DENND1B: variants seen among roughly 807,000 people sequenced by gnomAD.
DENND1B encodes DENN domain containing 1B.
In DENND1B, 59 loss-of-function variants were observed where a neutral mutation model predicts 90.1. That is an observed-to-expected ratio of 0.65 (90% CI 0.53 to 0.81). DENND1B has a LOEUF of 0.81. Ranked by LOEUF, DENND1B falls within the 40% of genes least tolerant of loss-of-function variation. DENND1B has a pLI of 0.00. For missense variants in DENND1B, 862 were observed against 912.6 expected (o/e 0.94, Z 0.71); for synonymous variants, 337 against 324.6 (o/e 1.04, Z -0.41).
At chr1:197,513,863 T>G (rs1017606146) in intron 20 of DENND1B, among the ~76,000 whole-genome samples, 8 of 151,612 alleles carry the variant, frequency 5.3e-5, no homozygotes, top group East Asian at 1.9e-4. Context: ...TTTAACATGC[T>G]ATCCTGTCCT....
chr1:197,650,249 A>G (rs1171911458), intron 7 of DENND1B, among the ~76,000 whole-genome samples: 2 of 152,220 alleles, frequency 1.3e-5, no homozygotes, highest in African/African-American at 4.8e-5. Flanking sequence ...GCAATAAAAC[A>G]TAATTATTCA....
intron 15 of DENND1B, among the ~76,000 whole-genome samples, chr1:197,554,381 T>C (rs753912299): frequency 3.6e-4 from 54 of 151,558 alleles, no homozygotes; most frequent in African/African-American, 1.1e-3. Context: ...ATCCTGACCA[T>C]TTTTTACCCT....
intron 5 of DENND1B, among the ~76,000 whole-genome samples, chr1:197,663,700 G>C (rs1477237958): frequency 6.6e-6 from 1 of 152,034 alleles, no homozygotes; most frequent in Non-Finnish European, 1.5e-5. Context: ...CTGTCTTTGA[G>C]TGTGGCATGT....
At chr1:197,647,553 A>G (rs1379149435) in intron 7 of DENND1B, among the ~76,000 whole-genome samples, 1 of 152,256 alleles carries the variant, frequency 6.6e-6, no homozygotes, top group African/African-American at 2.4e-5. Context: ...ATTTAACAGT[A>G]TAACACTAAA....
chr1:197,685,635 A>AT (rs1176520621), intron 3 of DENND1B: 2 of 152,148 alleles, frequency 1.3e-5, no homozygotes, highest in Non-Finnish European at 2.9e-5. Flanking sequence ...TTATGTATTC[A>AT]TTTTTTAAGG....
intron 20 of DENND1B, among the ~76,000 whole-genome samples, chr1:197,538,315 C>A (rs889899904): frequency 1.3e-5 from 2 of 151,864 alleles, no homozygotes; most frequent in Non-Finnish European, 2.9e-5. Flanking sequence ...GGAAAAAAAA[C>A]AACAGAAAAA....
rs1040646829 is a variant in DENND1B at position 197,618,697 on chromosome 1, T to C, written c.673-938A>G. 4.0e-5 allele frequency among the ~76,000 whole-genome samples: 6 copies of C among 151,284 alleles called. 1 individual carries two copies. In the South Asian group the frequency reaches 1.0e-3, roughly 26 times the overall value. On this transcript the variant is annotated intron_variant, in intron 10 of 22. Coordinates refer to ENST00000620048, the MANE Select transcript of DENND1B (RefSeq NM_001195215.2). ...AAAGCAATAATTAAATCAGCATTCTTAATCATTTTAAAGTTTTGCTATAGT... is the reference window on the plus strand; with the variant it reads ...AAAGCAATAATTAAATCAGCATTCTCAATCATTTTAAAGTTTTGCTATAGT...
intron 3 of DENND1B, among the ~76,000 whole-genome samples, chr1:197,678,797 T>C (rs534180496): frequency 1.4e-4 from 22 of 152,296 alleles, no homozygotes; most frequent in African/African-American, 4.8e-4. Flanking sequence ...TTTGGTTTTC[T>C]AGTCCTGTGT....
At chr1:197,750,676 G>A (rs1244530305) in intron 2 of DENND1B, among the ~76,000 whole-genome samples, 1 of 152,052 alleles carries the variant, frequency 6.6e-6, no homozygotes, top group Non-Finnish European at 1.5e-5. Flanking sequence ...AGAATTTCAT[G>A]CAAACACTAA....
chr1:197,667,049 G>A (rs1317070377), intron 5 of DENND1B, among the ~76,000 whole-genome samples: 2 of 151,896 alleles, frequency 1.3e-5, no homozygotes, highest in Non-Finnish European at 2.9e-5. Context: ...CAGGAGAATC[G>A]GTTGAACCCG....
chr1:197,596,661 AC>A (rs950393182), intron 13 of DENND1B, among the ~76,000 whole-genome samples: 5 of 151,736 alleles, frequency 3.3e-5, no homozygotes, highest in Non-Finnish European at 7.4e-5. Flanking sequence ...CACACACAAC[AC>A]ATGCACACAT....
Position 197,528,918 on chromosome 1 carries a change from T to C in DENND1B, c.1515+11046A>G, listed in dbSNP as rs1571750688. Among the ~76,000 whole-genome samples, 3 of 152,048 alleles carry C rather than the reference T, an allele frequency of 2.0e-5. No homozygotes were observed. In the East Asian group the frequency reaches 5.8e-4, roughly 29 times the overall value. On this transcript the variant is annotated intron_variant, in intron 20 of 22. Coordinates refer to ENST00000620048, the MANE Select transcript of DENND1B (RefSeq NM_001195215.2). ...AAGATAACTCTTTATACCTCAAAAC[T>C]ATTAGTCTGTATGTGACTATATTAA...
At chr1:197,644,130 C>G (rs1406057596) in intron 9 of DENND1B, among the ~76,000 whole-genome samples, 1 of 152,160 alleles carries the variant, frequency 6.6e-6, no homozygotes, top group Non-Finnish European at 1.5e-5. Context: ...CGTGCTTTCT[C>G]ACCTTCCAAT....
At chr1:197,762,498 T>C (rs1330457345) in intron 2 of DENND1B, among the ~76,000 whole-genome samples, 3 of 152,224 alleles carry the variant, frequency 2.0e-5, no homozygotes, top group East Asian at 3.8e-4. Context: ...AGTAAAATGG[T>C]TGCTATAGTG....
At position 197,576,384 on chromosome 1, in the gene DENND1B, C is replaced by T. The variant is rs896265694; in HGVS notation, c.1149+6768G>A. Among the ~76,000 whole-genome samples the T allele has an allele frequency of 1.1e-4, 17 of 152,218 alleles. 1 individual carries two copies. Among genetic ancestry groups the T allele is most frequent in the African/African-American group, 3.4e-4 (14 of 41,542 alleles). ...AAGTGGCAGAACCAGGATACAAATC[C>T]GGATCTACTGGATTCCAAGCCAATA... On this transcript the variant is annotated intron_variant, in intron 15 of 22. Coordinates refer to ENST00000620048, the MANE Select transcript of DENND1B (RefSeq NM_001195215.2).
intron 3 of DENND1B, among the ~76,000 whole-genome samples, chr1:197,700,015 C>A (rs746401422): frequency 6.6e-6 from 1 of 152,148 alleles, no homozygotes; most frequent in African/African-American, 2.4e-5. Flanking sequence ...GAATCAATAT[C>A]ATGAAGATGG....
chr1:197,654,026 G>C (rs1000520587), intron 6 of DENND1B, among the ~76,000 whole-genome samples: 6 of 152,054 alleles, frequency 3.9e-5, no homozygotes, highest in Non-Finnish European at 7.4e-5. Flanking sequence ...ACTGTAAAAT[G>C]ATGTTAAGAT....
At chr1:197,673,256 A>T (rs1168805921) in intron 4 of DENND1B, among the ~76,000 whole-genome samples, 1 of 152,024 alleles carries the variant, frequency 6.6e-6, no homozygotes, top group African/African-American at 2.4e-5. Context: ...TACTATTAAT[A>T]TGAAACGTGT....
chr1:197,695,298 A>C (rs1239795369), intron 3 of DENND1B, among the ~76,000 whole-genome samples: 1 of 151,034 alleles, frequency 6.6e-6, no homozygotes, highest in African/African-American at 2.4e-5. Context: ...ATAAGAATAT[A>C]CCAATAGTAT....
Sources: gnomAD v4.1 joint callset for allele counts (sites outside exome capture counted in the v4.1 genomes callset) on GRCh38, gnomAD v4.1.1 for gene constraint, MANE v1.5 for transcripts, NCBI Gene and HGNC (gene_info 2026-07-23, HGNC 2026-07-21) for gene names.